THSD7A: variants seen among roughly 807,000 people sequenced by gnomAD.
THSD7A encodes the protein thrombospondin type 1 domain containing 7A.
THSD7A carries 96 observed loss-of-function variants against 231.3 expected under a neutral mutation model. That is an observed-to-expected ratio of 0.41 (90% CI 0.35 to 0.49). The LOEUF (loss-of-function observed/expected upper bound fraction) is 0.49. THSD7A is among the 20% of genes least tolerant of loss of function. The pLI, the probability that THSD7A is intolerant of heterozygous loss-of-function variation, is 0.05. For missense variants in THSD7A, 2,290 were observed against 2,070.2 expected, an observed-to-expected ratio of 1.11 and a Z score of -2.06; for synonymous variants, 940 against 743.3, an observed-to-expected ratio of 1.26 and a Z score of -4.30.
chr7:11,376,201 C>A (rs773437761), intron 27 of THSD7A, among the ~76,000 whole-genome samples: 33 of 151,938 alleles, frequency 2.2e-4, no homozygotes, highest in Non-Finnish European at 4.4e-4. Flanking sequence ...ATAAATAATG[C>A]ATAATTTATA....
At chr7:11,451,472 A>G (rs1410759521) in intron 11 of THSD7A, among the ~76,000 whole-genome samples, 1 of 152,024 alleles carries the variant, frequency 6.6e-6, no homozygotes, top group African/African-American at 2.4e-5. Flanking sequence ...AAGAATAGCA[A>G]CATGTTAAAA....
intron 1 of THSD7A, among the ~76,000 whole-genome samples, chr7:11,700,813 TA>T (rs1190659467): frequency 1.3e-5 from 2 of 151,128 alleles, no homozygotes; most frequent in South Asian, 4.1e-4. Context: ...CACAGCCCAA[TA>T]AAAAATAATA....
chr7:11,725,729 T>C (rs1781523845), intron 1 of THSD7A, among the ~76,000 whole-genome samples: 1 of 151,986 alleles, frequency 6.6e-6, no homozygotes, highest in Admixed American at 6.6e-5. Flanking sequence ...GTATATATTG[T>C]ATTGATTTAA....
At chr7:11,544,480 C>T (rs999987549) in intron 4 of THSD7A, among the ~76,000 whole-genome samples, 2 of 152,170 alleles carry the variant, frequency 1.3e-5, no homozygotes, top group African/African-American at 4.8e-5. Flanking sequence ...ATTTCTCATT[C>T]TCCTGTGTGA....
chr7:11,610,731 C>A (rs1780894704), intron 2 of THSD7A, among the ~76,000 whole-genome samples: 2 of 152,074 alleles, frequency 1.3e-5, no homozygotes, highest in South Asian at 4.1e-4. Flanking sequence ...TCTTAAAAAA[C>A]CAACATCTTT....
At chr7:11,461,966 G>T in intron 10 of THSD7A, 45 bp downstream of exon 10, 2 of 1,595,062 alleles carry the variant, frequency 1.3e-6, no homozygotes, top group Non-Finnish European at 1.7e-6. Flanking sequence ...TGGAGTTGAC[G>T]TATTTGTTCA....
chr7:11,483,861 A>G (rs145015418), intron 6 of THSD7A, among the ~76,000 whole-genome samples: 105 of 152,206 alleles, frequency 6.9e-4, no homozygotes, highest in African/African-American at 2.3e-3. Flanking sequence ...TCAGAAAAAT[A>G]TTTATTCTGT....
chr7:11,823,101 T>C (rs1429754019), intron 1 of THSD7A, among the ~76,000 whole-genome samples: 1 of 152,116 alleles, frequency 6.6e-6, no homozygotes, highest in South Asian at 2.1e-4. Context: ...ATGCTTAAGA[T>C]GTTAATCCCT....
chr7:11,572,469 C>A (rs984303919), intron 4 of THSD7A, among the ~76,000 whole-genome samples: 4 of 152,118 alleles, frequency 2.6e-5, no homozygotes, highest in African/African-American at 9.7e-5. Context: ...TATGTTCACT[C>A]CCCAAGACAC....
intron 6 of THSD7A, among the ~76,000 whole-genome samples, chr7:11,501,442 A>G (rs1365773242): frequency 6.6e-6 from 1 of 152,244 alleles, no homozygotes; most frequent in Non-Finnish European, 1.5e-5. Context: ...CTTGGACCAC[A>G]GCACAATAAA....
chr7:11,757,911 A>T (rs1266767969), intron 1 of THSD7A, among the ~76,000 whole-genome samples: 2 of 150,916 alleles, frequency 1.3e-5, no homozygotes, highest in Non-Finnish European at 3.0e-5. Flanking sequence ...AAAATGGAAT[A>T]GGCCAATTTA....
At chr7:11,529,473 C>A (rs1788611996) in intron 6 of THSD7A, among the ~76,000 whole-genome samples, 1 of 152,062 alleles carries the variant, frequency 6.6e-6, no homozygotes, top group South Asian at 2.1e-4. Context: ...GAATTGTAAA[C>A]CCCACCAGGC....
At chr7:11,769,113 A>G (rs1459442794) in intron 1 of THSD7A, among the ~76,000 whole-genome samples, 8 of 100,604 alleles carry the variant, frequency 8.0e-5, no homozygotes, top group African/African-American at 1.2e-4. Context: ...ACCTGCCATA[A>G]TTCCTGGCAA....
At chr7:11,397,788 A>C (rs1783244511) in intron 23 of THSD7A, among the ~76,000 whole-genome samples, 1 of 152,218 alleles carries the variant, frequency 6.6e-6, no homozygotes, top group Admixed American at 6.5e-5. Context: ...GCAGCCAACA[A>C]ACATGAAAAA....
At chr7:11,398,168 A>C (rs1783261347) in intron 23 of THSD7A, among the ~76,000 whole-genome samples, 1 of 152,174 alleles carries the variant, frequency 6.6e-6, no homozygotes, top group South Asian at 2.1e-4. Context: ...TGGATGAAGA[A>C]AATGTGGCAC....
intron 4 of THSD7A, among the ~76,000 whole-genome samples, chr7:11,575,730 G>A (rs1212232299): frequency 1.3e-5 from 2 of 152,168 alleles, no homozygotes; most frequent in Non-Finnish European, 2.9e-5. Flanking sequence ...AGCTTAGTGA[G>A]ACCTATAAAT....
At chr7:11,827,275 T>C (rs574674883) in intron 1 of THSD7A, among the ~76,000 whole-genome samples, 1 of 152,304 alleles carries the variant, frequency 6.6e-6, no homozygotes, top group South Asian at 2.1e-4. Flanking sequence ...CACTTAGTTA[T>C]TCAACTTTAT....
intron 1 of THSD7A, among the ~76,000 whole-genome samples, chr7:11,647,391 A>G (rs747799263): frequency 6.6e-6 from 1 of 152,026 alleles, no homozygotes; most frequent in Non-Finnish European, 1.5e-5. Flanking sequence ...CTCTTATGGC[A>G]CAGCACCATA....
At chr7:11,506,892 A>G (rs1233836166) in intron 6 of THSD7A, among the ~76,000 whole-genome samples, 1 of 151,892 alleles carries the variant, frequency 6.6e-6, no homozygotes, top group Non-Finnish European at 1.5e-5. Flanking sequence ...TTTTTCCCCA[A>G]TACTTTTCAC....
Sources: allele counts gnomAD v4.1 joint callset (sites outside exome capture counted in the v4.1 genomes callset), GRCh38; gene constraint gnomAD v4.1.1; transcripts MANE v1.5; gene names NCBI Gene and HGNC (gene_info 2026-07-23, HGNC 2026-07-21).